The following QTGAL variants were observed in gnomAD, a reference collection of about 807,000 sequenced individuals.
QTGAL encodes queuosine-tRNA galactosyltransferase.
At chr17:82,968,213 CGTGT>C in the QTGAL span, among the ~76,000 whole-genome samples, 1 of 152,046 alleles carries the variant, frequency 6.6e-6, no homozygotes, top group African/African-American at 2.4e-5. Context: ...GCACCGTCCC[CGTGT>C]GTGTTCACGG....
At chr17:82,965,271 G>A in the QTGAL span, among the ~76,000 whole-genome samples, 1 of 152,010 alleles carries the variant, frequency 6.6e-6, no homozygotes, top group Non-Finnish European at 1.5e-5. Context: ...ACGCCTGCAG[G>A]TGCACCCCCG....
chr17:82,977,780 C>T, the QTGAL span, among the ~76,000 whole-genome samples: 6 of 152,048 alleles, frequency 3.9e-5, no homozygotes, highest in Admixed American at 2.0e-4. Flanking sequence ...AGTCTGGGAC[C>T]GAGGGGGGTG....
At chr17:83,019,821 T>C in the QTGAL span, among the ~76,000 whole-genome samples, 9 of 152,198 alleles carry the variant, frequency 5.9e-5, 1 homozygote, top group African/African-American at 1.9e-4. Context: ...GCAACCTCCT[T>C]CTCCCAGGTT....
At chr17:82,958,552 C>T in the QTGAL span, among the ~76,000 whole-genome samples, 1 of 152,146 alleles carries the variant, frequency 6.6e-6, no homozygotes, top group Admixed American at 6.5e-5. Flanking sequence ...GTGACTCCCC[C>T]CCAACCCTGT....
At chr17:83,018,972 T>C in the QTGAL span, among the ~76,000 whole-genome samples, 1 of 152,168 alleles carries the variant, frequency 6.6e-6, no homozygotes, top group Non-Finnish European at 1.5e-5. Context: ...GGTGATGTAC[T>C]AGGGGAGCTC....
At chr17:83,037,280 G>T in the QTGAL span, among the ~76,000 whole-genome samples, 1 of 152,188 alleles carries the variant, frequency 6.6e-6, no homozygotes, top group Admixed American at 6.5e-5. This position sits in a 1 kb window ranked among gnomAD's most constrained non-coding sequence, Gnocchi z 5.2. Flanking sequence ...TTCCGGGGGG[G>T]CATCGAGCAA....
the QTGAL span, among the ~76,000 whole-genome samples, chr17:82,971,200 C>T: frequency 5.3e-5 from 8 of 152,336 alleles, no homozygotes; most frequent in Non-Finnish European, 1.2e-4. Context: ...TCTGTGCTCA[C>T]GGGACGTTTC....
the QTGAL span, among the ~76,000 whole-genome samples, chr17:82,980,469 C>G: frequency 6.6e-6 from 1 of 152,222 alleles, no homozygotes; most frequent in Admixed American, 6.5e-5. Context: ...GTGACCCCTT[C>G]TCTTCAACTT....
chr17:82,949,650 A>G, the QTGAL span: 2 of 152,204 alleles, frequency 1.3e-5, no homozygotes, highest in Admixed American at 1.3e-4. Context: ...CTAAGAAAAG[A>G]GCGTCGGCGT....
chr17:82,962,633 G>A, the QTGAL span, among the ~76,000 whole-genome samples: 27 of 149,996 alleles, frequency 1.8e-4, no homozygotes, highest in African/African-American at 6.3e-4. Context: ...GGAGGCTCCC[G>A]CGGGTGCTGG....
chr17:82,978,024 C>A, the QTGAL span, among the ~76,000 whole-genome samples: 1 of 152,172 alleles, frequency 6.6e-6, no homozygotes, highest in African/African-American at 2.4e-5. The surrounding 1 kb of genome is among the most constrained non-coding windows in gnomAD (Gnocchi z 4.8). Context: ...GGTCACCATG[C>A]GACCCGGGCC....
the QTGAL span, among the ~76,000 whole-genome samples, chr17:83,051,550 C>T: frequency 1.3e-5 from 2 of 152,120 alleles, no homozygotes; most frequent in African/African-American, 2.4e-5. Flanking sequence ...CAATCCCGAG[C>T]GTCCCCCGCA....
the QTGAL span, among the ~76,000 whole-genome samples, chr17:83,010,554 G>A: frequency 8.5e-5 from 13 of 152,272 alleles, no homozygotes; most frequent in African/African-American, 1.2e-4. Flanking sequence ...GCTGGGGGCC[G>A]TGGCCCTCCC....
At chr17:83,020,756 A>C in the QTGAL span, among the ~76,000 whole-genome samples, 1 of 152,048 alleles carries the variant, frequency 6.6e-6, no homozygotes, top group African/African-American at 2.4e-5. Context: ...GCCGCATGGC[A>C]CTCCTGCCAC....
the QTGAL span, chr17:83,006,930 G>A: frequency 2.4e-5 from 16 of 657,080 alleles, no homozygotes; most frequent in African/African-American, 1.8e-4. The surrounding 1 kb of genome is among the most constrained non-coding windows in gnomAD (Gnocchi z 5.8). Context: ...GAGTGGTTGC[G>A]CCGTCTCTCA....
At chr17:82,984,219 GGGGGA>G in the QTGAL span, among the ~76,000 whole-genome samples, 1 of 100,994 alleles carries the variant, frequency 9.9e-6, no homozygotes, top group Admixed American at 8.7e-5. Flanking sequence ...ATGAGGACGT[GGGGGA>G]GGGGAGAGGC....
the QTGAL span, among the ~76,000 whole-genome samples, chr17:82,965,206 G>A: frequency 4.4e-4 from 67 of 150,820 alleles, no homozygotes; most frequent in African/African-American, 1.6e-3. Context: ...CCCACGGGGG[G>A]GACGGGGACA....
the QTGAL span, among the ~76,000 whole-genome samples, chr17:82,979,643 A>C: frequency 0.82 from 124,184 of 151,982 alleles, 51,104 homozygotes; most frequent in African/African-American, 0.92. Context: ...CGGGACAAAT[A>C]GTGAATTGGA....
the QTGAL span, among the ~76,000 whole-genome samples, chr17:83,033,527 A>G: frequency 0.096 from 14,418 of 149,526 alleles, 1,767 homozygotes; most frequent in African/African-American, 0.29. Flanking sequence ...GCTGGAGTGC[A>G]GTGGCGTGAT....
Sources: allele counts gnomAD v4.1 joint callset (sites outside exome capture counted in the v4.1 genomes callset), GRCh38; gene constraint gnomAD v4.1.1; non-coding constraint Gnocchi (gnomAD v3.1); transcripts MANE v1.5; gene names NCBI Gene and HGNC (gene_info 2026-07-23, HGNC 2026-07-21).